The following CFTR variants were observed in gnomAD, a reference collection of about 807,000 sequenced individuals.
CFTR encodes the protein CF transmembrane conductance regulator.
In CFTR, 181 loss-of-function variants were observed where a neutral mutation model predicts 171.6. The observed-to-expected ratio is 1.05, with a 90% CI of 0.93 to 1.19. CFTR has a LOEUF of 1.19. Among genes scored for constraint, CFTR ranks in the 50% most tolerant of loss-of-function variants. The pLI, the probability that CFTR is intolerant of heterozygous loss-of-function variation, is 0.00. For synonymous variants in CFTR, 583 were observed against 608.0 expected, an observed-to-expected ratio of 0.96 and a Z score of 0.60; for missense variants, 1,968 against 1,734.7, an observed-to-expected ratio of 1.13 and a Z score of -2.39.
chr7:117,662,372 C>T (rs1009356764), intron 24 of CFTR, among the ~76,000 whole-genome samples: 1 of 152,116 alleles, frequency 6.6e-6, no homozygotes, highest in Non-Finnish European at 1.5e-5. Flanking sequence ...TACAGTCTAA[C>T]GAGGGAACTT....
chr7:117,565,345 T>C (rs1791584341), intron 11 of CFTR, among the ~76,000 whole-genome samples: 1 of 152,228 alleles, frequency 6.6e-6, no homozygotes, highest in Non-Finnish European at 1.5e-5. Context: ...CTTTTTAATT[T>C]CCAGACTACC....
At chr7:117,585,869 A>G (rs938019047) in intron 11 of CFTR, among the ~76,000 whole-genome samples, 2 of 152,090 alleles carry the variant, frequency 1.3e-5, no homozygotes, top group Non-Finnish European at 2.9e-5. Context: ...CTGGTCTCAA[A>G]CTTCCAATCT....
intron 1 of CFTR, among the ~76,000 whole-genome samples, chr7:117,491,363 G>A (rs916115565): frequency 1.1e-4 from 16 of 151,970 alleles, no homozygotes; most frequent in African/African-American, 3.4e-4. Flanking sequence ...TCATCCTAAC[G>A]TGGAATTTCT....
intron 21 of CFTR, among the ~76,000 whole-genome samples, chr7:117,616,501 C>A (rs1399995885): frequency 1.3e-5 from 2 of 152,096 alleles, no homozygotes; most frequent in African/African-American, 2.4e-5. Flanking sequence ...TGTACAATTC[C>A]TTTGTCCTTG....
At position 117,610,604 on chromosome 7, in the gene CFTR, C is replaced by T. The variant is rs780061408; in HGVS notation, c.3074C>T (p.Ala1025Val). The T allele has an allele frequency of 6.2e-7, 1 of 1,613,526 alleles. No homozygotes were observed. Among genetic ancestry groups the T allele is most frequent in the Non-Finnish European group, 8.5e-7 (1 of 1,179,700 alleles). ...GTTGCAACAGTGCCAGTGATAGTGG[C>T]TTTTATTATGTTGAGAGCATATTTC... The part of the protein sequence containing the change: ...IFVATVPVIV[A>V]FIMLRAYFLQ... Residue 1025 changes from alanine (A) to valine (V), a missense_variant, in exon 19 of 27, where the codon GCT becomes GTT. Ala to Val is a moderately conservative substitution (Grantham distance 64). Transcript: ENST00000003084.
intron 23 of CFTR, among the ~76,000 whole-genome samples, chr7:117,644,662 T>G (rs1364835967): frequency 6.6e-6 from 1 of 152,166 alleles, no homozygotes; most frequent in Non-Finnish European, 1.5e-5. Context: ...AGCTGTGGAA[T>G]CACAACACGT....
intron 21 of CFTR, among the ~76,000 whole-genome samples, chr7:117,624,773 A>G (rs1340199208): frequency 6.6e-6 from 1 of 152,160 alleles, no homozygotes; most frequent in Non-Finnish European, 1.5e-5. Flanking sequence ...CATAGACACT[A>G]TGTTTTGAGT....
intron 11 of CFTR, among the ~76,000 whole-genome samples, chr7:117,583,037 A>T (rs549283174): frequency 6.6e-6 from 1 of 152,174 alleles, no homozygotes; most frequent in Non-Finnish European, 1.5e-5. Flanking sequence ...ACTTGTTTAA[A>T]ATATAAATGT....
intron 1 of CFTR, among the ~76,000 whole-genome samples, chr7:117,485,262 G>A (rs1798056500): frequency 6.6e-6 from 1 of 152,114 alleles, no homozygotes; most frequent in Non-Finnish European, 1.5e-5. Context: ...TTATGTGTTG[G>A]TTGTCAAAAC....
chr7:117,531,201 A>C (rs969399514), intron 4 of CFTR, 87 bp downstream of exon 4: 1 of 989,140 alleles, frequency 1.0e-6, no homozygotes, highest in Non-Finnish European at 1.6e-6. Flanking sequence ...GAGCTGGTAC[A>C]AGTAAGGGAT....
intron 11 of CFTR, among the ~76,000 whole-genome samples, chr7:117,561,591 T>C (rs775409977): frequency 5.9e-5 from 9 of 152,118 alleles, no homozygotes; most frequent in Non-Finnish European, 1.0e-4. Flanking sequence ...TGTGCCTAAA[T>C]AAGCTTCTAA....
At chr7:117,541,278 C>G (rs1810891534) in intron 8 of CFTR, among the ~76,000 whole-genome samples, 1 of 152,036 alleles carries the variant, frequency 6.6e-6, no homozygotes, top group Non-Finnish European at 1.5e-5. Context: ...GAAGAAGAAA[C>G]AGATCTGGGG....
intron 2 of CFTR, among the ~76,000 whole-genome samples, chr7:117,508,222 T>C (rs1798454774): frequency 6.6e-6 from 1 of 152,218 alleles, no homozygotes; most frequent in Non-Finnish European, 1.5e-5. Flanking sequence ...CTCTGTACAG[T>C]TTGAAAATTA....
chr7:117,616,437 C>A (rs1792492171), intron 21 of CFTR: 1 of 152,116 alleles, frequency 6.6e-6, no homozygotes, highest in South Asian at 2.1e-4. Flanking sequence ...TACATTTAAG[C>A]TCCTCATGCA....
At chr7:117,604,619 A>T (rs2116064242) in intron 17 of CFTR, among the ~76,000 whole-genome samples, 1 of 152,350 alleles carries the variant, frequency 6.6e-6, no homozygotes, top group East Asian at 1.9e-4. Context: ...ACTCAAGATA[A>T]GAAAAACCCA....
chr7:117,613,605 T>A (rs1792437621), intron 20 of CFTR, among the ~76,000 whole-genome samples: 2 of 152,174 alleles, frequency 1.3e-5, no homozygotes, highest in African/African-American at 4.8e-5. Flanking sequence ...TAAAATTTTA[T>A]CTTCTCAGCT....
At chr7:117,571,881 T>C (rs186675517) in intron 11 of CFTR, among the ~76,000 whole-genome samples, 1 of 152,332 alleles carries the variant, frequency 6.6e-6, no homozygotes, top group Admixed American at 6.5e-5. Context: ...GTAACATCCA[T>C]TATATTAGTG....
chr7:117,490,334 C>T (rs1244558394), intron 1 of CFTR, among the ~76,000 whole-genome samples: 1 of 151,226 alleles, frequency 6.6e-6, no homozygotes, highest in Non-Finnish European at 1.5e-5. Flanking sequence ...CACACACACA[C>T]ACACACACAC....
Position 117,531,109 on chromosome 7 carries a change from A to G in CFTR, c.484A>G (p.Lys162Glu), listed in dbSNP as rs397508731. The G allele has an allele frequency of 1.9e-6, 3 of 1,610,558 alleles. No individual in the cohort carries two copies. The highest frequency in any genetic ancestry group is 2.5e-6 in the Non-Finnish European group (3 of 1,177,690). Residue 162 changes from lysine to glutamate, a missense_variant, in exon 4 of 27, where the codon AAG becomes GAG. By Grantham distance (56) the Lys-to-Glu change is moderately conservative. Coordinates refer to ENST00000003084, the MANE Select transcript of CFTR (RefSeq NM_000492.4). Reference sequence around the variant, plus strand: ...AATAGCTATGTTTAGTTTGATTTATAAGAAGGTAATACTTCCTTGCACAGG... The same window carrying G: ...AATAGCTATGTTTAGTTTGATTTATGAGAAGGTAATACTTCCTTGCACAGG... ...MRIAMFSLIY[K>E]KTLKLSSRVL...
Sources: gnomAD v4.1 joint callset for allele counts (sites outside exome capture counted in the v4.1 genomes callset) on GRCh38, gnomAD v4.1.1 for gene constraint, MANE v1.5 for transcripts, NCBI Gene and HGNC (gene_info 2026-07-23, HGNC 2026-07-21) for gene names.